Variants in STAU1 observed in about 807,000 individuals in gnomAD.
The protein encoded by STAU1 is double-stranded RNA-binding protein Staufen homolog 1.
A neutral mutation model predicts 62.9 loss-of-function variants in STAU1; 13 were observed. The ratio of observed to expected loss-of-function variants is 0.21; its 90% confidence interval spans 0.13 to 0.33. The LOEUF is 0.33. Ranked by LOEUF, STAU1 falls within the 10% of genes least tolerant of loss-of-function variation. The probability of loss-of-function intolerance (pLI) is 1.00; values close to 1 mark genes in which losing one functional copy is unlikely to be tolerated. For missense variants in STAU1, 571 were observed against 712.1 expected (o/e 0.80, Z 2.25); for synonymous variants, 269 against 265.1 (o/e 1.01, Z -0.14).
intron 1 of STAU1, among the ~76,000 whole-genome samples, chr20:49,181,760 T>C (rs1164843868): frequency 1.9e-5 from 1 of 53,344 alleles, no homozygotes; most frequent in Non-Finnish European, 3.0e-5. Flanking sequence ...AGCAAGACTA[T>C]CTCAACAAAA....
At position 49,138,386 on chromosome 20, in the gene STAU1, T is replaced by C. The variant is rs1032019817; in HGVS notation, c.511-2455A>G. On this transcript the variant is annotated intron_variant, in intron 5 of 13. Coordinates refer to ENST00000371856, the MANE Select transcript of STAU1 (RefSeq NM_017453.4). ...GGACAAATAAATTTATTCCAGATGC[T>C]CTTTGTAATTCCTTCTATCCTTCCA... 6.6e-5 allele frequency among the ~76,000 whole-genome samples: 10 copies of C among 152,190 alleles called. No homozygotes were observed. In the South Asian group the frequency reaches 2.1e-3, roughly 32 times the overall value.
At chr20:49,211,337 A>G in the STAU1 span, among the ~76,000 whole-genome samples, 2 of 149,836 alleles carry the variant, frequency 1.3e-5, no homozygotes. Context: ...GTGTATACTT[A>G]GGAGTTGAAT....
chr20:49,189,096 G>C (rs112732379), upstream of STAU1, among the ~76,000 whole-genome samples: 1,205 of 150,718 alleles, frequency 8.0e-3, 17 homozygotes, highest in African/African-American at 0.028. Context: ...ACAGCTACTC[G>C]GGAGGCTGAG....
At chr20:49,125,072 A>T (rs1001943055) in intron 6 of STAU1, among the ~76,000 whole-genome samples, 12 of 16,562 alleles carry the variant, frequency 7.2e-4, no homozygotes, top group South Asian at 1.9e-3. Flanking sequence ...CACATTAAGT[A>T]AAAAAAAAAA....
the STAU1 span, among the ~76,000 whole-genome samples, chr20:49,216,849 G>A: frequency 1.3e-5 from 2 of 152,150 alleles, no homozygotes; most frequent in Admixed American, 1.3e-4. Context: ...CAGAAGACTT[G>A]CTCATTCTTG....
At chr20:49,149,169 T>C (rs999851458) in intron 5 of STAU1, among the ~76,000 whole-genome samples, 1 of 151,822 alleles carries the variant, frequency 6.6e-6, no homozygotes, top group Non-Finnish European at 1.5e-5. Context: ...AAGAATTGCT[T>C]GAACCCAGGA....
At chr20:49,142,162 C>T (rs2093022187) in intron 5 of STAU1, among the ~76,000 whole-genome samples, 1 of 152,192 alleles carries the variant, frequency 6.6e-6, no homozygotes. Flanking sequence ...TCTTGGCTCA[C>T]TGCAACCTCC....
Position 49,135,857 on chromosome 20 carries a change from T to C in STAU1, c.585A>G (p.Lys195=), listed in dbSNP as rs1296740394. The change falls in exon 6 of 14, where the codon AAA becomes AAG. Residue 195 remains lysine (K), a synonymous_variant. Coordinates refer to ENST00000371856, the MANE Select transcript of STAU1 (RefSeq NM_017453.4). The part of the protein sequence containing the change: ...EISQVFEIAL[K]RNLPVNFEVA... ...CCTCGAAATTCACAGGCAAGTTCCG[T>C]TTAAGTGCAATCTCAAACACTTGAC... The C allele has an allele frequency of 3.7e-6, 6 of 1,613,900 alleles. No individual in the cohort carries two copies. Among genetic ancestry groups the C allele is most frequent in the Non-Finnish European group, 5.1e-6 (6 of 1,179,936 alleles).
chr20:49,147,995 G>A (rs1367188007), intron 5 of STAU1, among the ~76,000 whole-genome samples: 1 of 152,040 alleles, frequency 6.6e-6, no homozygotes, highest in African/African-American at 2.4e-5. Flanking sequence ...ATCATTCATT[G>A]TTCCTTGTTT....
chr20:49,219,180 C>CA, the STAU1 span: 1 of 616,868 alleles, frequency 1.6e-6, no homozygotes, highest in Non-Finnish European at 2.9e-6. Context: ...CTCACCCTTC[C>CA]ACCCTCCTCA....
chr20:49,118,841 T>A (rs2092395512), intron 9 of STAU1, among the ~76,000 whole-genome samples: 1 of 152,204 alleles, frequency 6.6e-6, no homozygotes, highest in South Asian at 2.1e-4. Flanking sequence ...CATTCCAAAA[T>A]TAACACCCTT....
intron 2 of STAU1, among the ~76,000 whole-genome samples, chr20:49,169,958 C>T (rs2093575922): frequency 6.6e-6 from 1 of 152,188 alleles, no homozygotes; most frequent in African/African-American, 2.4e-5. Context: ...GGCTTGGTAA[C>T]ACAAAAATCT....
At chr20:49,164,608 A>T (rs556823376) in intron 3 of STAU1, among the ~76,000 whole-genome samples, 2 of 152,018 alleles carry the variant, frequency 1.3e-5, no homozygotes, top group African/African-American at 2.4e-5. Flanking sequence ...GAAAATTTTA[A>T]CAAGAAAATA....
intron 5 of STAU1, among the ~76,000 whole-genome samples, chr20:49,142,362 A>G (rs1254855064): frequency 6.6e-6 from 1 of 152,232 alleles, no homozygotes. Context: ...TGCTGGAATT[A>G]CAGGCGTGAG....
intron 5 of STAU1, among the ~76,000 whole-genome samples, chr20:49,146,412 A>G (rs2093133477): frequency 6.6e-6 from 1 of 152,106 alleles, no homozygotes; most frequent in Non-Finnish European, 1.5e-5. Context: ...AGTATTTTAA[A>G]AACTTCAGGA....
At chr20:49,146,717 A>G (rs987034362) in intron 5 of STAU1, among the ~76,000 whole-genome samples, 1 of 151,922 alleles carries the variant, frequency 6.6e-6, no homozygotes, top group African/African-American at 2.4e-5. Flanking sequence ...AAAAAAAAAA[A>G]AGGAAAGAAA....
At position 49,166,075 on chromosome 20, in the gene STAU1, G is replaced by A. The variant is rs1310695546; in HGVS notation, c.127C>T (p.Pro43Ser). The change falls in exon 3 of 14, where the codon CCC (proline) becomes TCC (serine). Residue 43 changes from proline to serine, a missense_variant. Physicochemically the swap from Pro to Ser is moderately conservative, Grantham distance 74 (BLOSUM62 -1). Transcript: ENST00000371856. ...MSIPSTTSSL[P>S]SENAGRPIQN... ...ATGGGTCTACCTGCATTTTCAGAGG[G>A]CAGAGAGCTAGTAGTAGAAGGAATA... The A allele has an allele frequency of 6.2e-7, 1 of 1,614,194 alleles. No homozygotes were observed. The highest frequency in any genetic ancestry group is 1.7e-5 in the Admixed American group (1 of 60,012).
In STAU1 at chr20:49,114,848, A is replaced by G. The variant is rs773144899; in HGVS notation, c.*30T>C. 5 of 1,611,866 alleles carry G rather than the reference A, an allele frequency of 3.1e-6. No individual in the cohort carries two copies. The highest frequency in any genetic ancestry group is 3.4e-6 in the Non-Finnish European group (4 of 1,178,532). On this transcript the variant is annotated 3_prime_UTR_variant, in exon 14 of 14. Transcript: ENST00000371856. ...CAGTATTTTCAGTATATATGTTGGG[A>G]TTTTATAATGGTTCATGGCCAGAAA...
In STAU1 at chr20:49,144,126, G is replaced by C. The variant is rs150663252; in HGVS notation, c.510+7456C>G. ...TTTGGATTATAAACACCAACAGAAG[G>C]ATCAATCCAGTTATTTTTGTCATTT... On this transcript the variant is annotated intron_variant, in intron 5 of 13. Coordinates refer to ENST00000371856, the MANE Select transcript of STAU1 (RefSeq NM_017453.4). Among the ~76,000 whole-genome samples, 363 of 152,274 alleles carry C rather than the reference G, an allele frequency of 2.4e-3. 2 individuals carry two copies. The highest frequency in any genetic ancestry group is 7.9e-3 in the African/African-American group (329 of 41,554).
Sources: allele counts gnomAD v4.1 joint callset (sites outside exome capture counted in the v4.1 genomes callset), GRCh38; gene constraint gnomAD v4.1.1; transcripts MANE v1.5; gene names NCBI Gene and HGNC (gene_info 2026-07-23, HGNC 2026-07-21).